The following GRID1 variants were observed in gnomAD, a reference collection of about 807,000 sequenced individuals.
GRID1 encodes the protein glutamate receptor ionotropic, delta-1.
Under a neutral mutation model 98.0 loss-of-function variants are expected in GRID1, and 28 were observed. That is an observed-to-expected ratio of 0.29 (90% confidence interval 0.21 to 0.39). The LOEUF (loss-of-function observed/expected upper bound fraction) is 0.39, where lower values mean the gene tolerates loss of function less well. Ranked by LOEUF, GRID1 falls within the 10% of genes least tolerant of loss-of-function variation. The probability of loss-of-function intolerance (pLI) is 1.00; values close to 1 mark genes in which losing one functional copy is unlikely to be tolerated. For missense variants in GRID1, 1,111 were observed against 1,340.5 expected (o/e 0.83, Z 2.67); for synonymous variants, 553 against 538.5 (o/e 1.03, Z -0.37).
At chr10:86,289,862 AC>A (rs1214230157) in intron 2 of GRID1, among the ~76,000 whole-genome samples, 1 of 152,178 alleles carries the variant, frequency 6.6e-6, no homozygotes, top group Non-Finnish European at 1.5e-5. Context: ...AGGGACTCTT[AC>A]TTGTGCTGAG....
intron 12 of GRID1, among the ~76,000 whole-genome samples, chr10:85,673,038 T>A (rs1841105247): frequency 1.3e-5 from 2 of 152,186 alleles, no homozygotes; most frequent in South Asian, 4.1e-4. Context: ...AATATCAACA[T>A]AAACAGGAGT....
intron 8 of GRID1, among the ~76,000 whole-genome samples, chr10:85,835,430 T>A (rs1029060639): frequency 6.6e-6 from 1 of 152,194 alleles, no homozygotes; most frequent in African/African-American, 2.4e-5. Flanking sequence ...CATACTGTTC[T>A]CATGGTAGTG....
chr10:85,958,124 C>G (rs755260539), intron 4 of GRID1, among the ~76,000 whole-genome samples: 19 of 152,220 alleles, frequency 1.2e-4, no homozygotes, highest in Non-Finnish European at 2.4e-4. Context: ...CCTGCTGGGT[C>G]AGGTCAACCT....
intron 2 of GRID1, among the ~76,000 whole-genome samples, chr10:86,268,525 G>A (rs1272284806): frequency 2.0e-5 from 3 of 152,250 alleles, no homozygotes; most frequent in Non-Finnish European, 4.4e-5. Context: ...CAAGGCGTGA[G>A]AGAACCATGC....
At chr10:85,878,614 A>G (rs920525582) in intron 5 of GRID1, among the ~76,000 whole-genome samples, 10 of 152,226 alleles carry the variant, frequency 6.6e-5, no homozygotes, top group Non-Finnish European at 1.0e-4. Context: ...AGAGCTCCTG[A>G]AGGAAGCACT....
chr10:86,350,270 T>C (rs1218729686), intron 2 of GRID1, among the ~76,000 whole-genome samples: 1 of 152,118 alleles, frequency 6.6e-6, no homozygotes, highest in East Asian at 1.9e-4. Flanking sequence ...TGATTCTTAG[T>C]GCAATGGGGA....
chr10:85,845,726 G>A (rs1250178513), intron 8 of GRID1, among the ~76,000 whole-genome samples: 2 of 152,058 alleles, frequency 1.3e-5, no homozygotes, highest in Admixed American at 6.6e-5. Flanking sequence ...AATGGCAGTC[G>A]TCCCCTGATT....
chr10:86,215,195 C>T (rs999791754), intron 2 of GRID1, among the ~76,000 whole-genome samples: 20 of 152,200 alleles, frequency 1.3e-4, no homozygotes, highest in African/African-American at 4.8e-4. Context: ...GCCCCAGCCT[C>T]TCTGGCCTCA....
intron 2 of GRID1, among the ~76,000 whole-genome samples, chr10:86,222,912 G>A (rs997124473): frequency 3.3e-5 from 5 of 152,092 alleles, no homozygotes; most frequent in African/African-American, 4.8e-5. Context: ...AAACAGCACC[G>A]TCACCCCCTG....
At chr10:86,147,466 C>T (rs1464292678) in intron 3 of GRID1, among the ~76,000 whole-genome samples, 1 of 152,168 alleles carries the variant, frequency 6.6e-6, no homozygotes, top group African/African-American at 2.4e-5. Context: ...GTAACCAAAA[C>T]AGCATGGTGC....
intron 8 of GRID1, among the ~76,000 whole-genome samples, chr10:85,772,118 CTG>C (rs1381531073): frequency 3.9e-5 from 6 of 152,184 alleles, no homozygotes; most frequent in African/African-American, 1.4e-4. Context: ...TCATAACAAA[CTG>C]TCTCTCAGAC....
chr10:86,363,208 G>T (rs1479157077), intron 2 of GRID1, among the ~76,000 whole-genome samples: 1 of 152,250 alleles, frequency 6.6e-6, no homozygotes, highest in Non-Finnish European at 1.5e-5. Flanking sequence ...CCTGCCGCGG[G>T]GCCCGACCGG....
chr10:85,705,384 T>C (rs1052255926), intron 12 of GRID1, among the ~76,000 whole-genome samples: 2 of 152,094 alleles, frequency 1.3e-5, no homozygotes, highest in African/African-American at 4.8e-5. Flanking sequence ...CCTCGAAACA[T>C]ACACTCTCCC....
intron 5 of GRID1, among the ~76,000 whole-genome samples, chr10:85,894,575 T>A (rs1841256675): frequency 6.6e-6 from 1 of 152,190 alleles, no homozygotes; most frequent in Non-Finnish European, 1.5e-5. Flanking sequence ...TACAAATGTA[T>A]ATTTCAAAAC....
At chr10:86,145,547 T>TACACACACACACACACATACACAC (rs1554855905) in intron 3 of GRID1, among the ~76,000 whole-genome samples, 2 of 145,632 alleles carry the variant, frequency 1.4e-5, no homozygotes, top group Non-Finnish European at 1.5e-5. Flanking sequence ...ATCCTCCACA[T>TACACACACACACACACATACACAC]ACACACACAC....
chr10:86,094,173 A>G lies in GRID1; in HGVS notation c.726+44646T>C, dbSNP rs113528671. 1.2e-3 allele frequency among the ~76,000 whole-genome samples: 180 copies of G among 152,342 alleles called. 1 individual carries two copies. Among genetic ancestry groups the G allele is most frequent in the African/African-American group, 3.8e-3 (159 of 41,568 alleles). The stretch of plus-strand genomic sequence containing the variant: ...GCTTTATGATTGAAACTCTCAGCAA[A>G]ATCAGCATACAAGGGACATACCTTA... On this transcript the variant is annotated intron_variant, in intron 4 of 15. Transcript: ENST00000327946.
intron 4 of GRID1, among the ~76,000 whole-genome samples, chr10:85,989,219 G>A (rs1433688760): frequency 6.6e-6 from 1 of 152,156 alleles, no homozygotes; most frequent in African/African-American, 2.4e-5. Flanking sequence ...CAGGTTGTTT[G>A]GCATGCAAAA....
At chr10:86,180,739 G>C (rs1845643860) in intron 3 of GRID1, among the ~76,000 whole-genome samples, 2 of 151,896 alleles carry the variant, frequency 1.3e-5, no homozygotes, top group Admixed American at 6.5e-5. Context: ...GCTGGACAGA[G>C]GGAGGGCCTG....
intron 4 of GRID1, among the ~76,000 whole-genome samples, chr10:86,119,295 A>G (rs1407563625): frequency 6.6e-6 from 1 of 152,218 alleles, no homozygotes; most frequent in Non-Finnish European, 1.5e-5. Flanking sequence ...AGATCAGGCC[A>G]CTGCACTCCA....
Sources: gnomAD v4.1 joint callset for allele counts (sites outside exome capture counted in the v4.1 genomes callset) on GRCh38, gnomAD v4.1.1 for gene constraint, MANE v1.5 for transcripts, NCBI Gene and HGNC (gene_info 2026-07-23, HGNC 2026-07-21) for gene names.